The following ACACA variants were observed in gnomAD, a reference collection of about 807,000 sequenced individuals.
ACACA encodes acetyl-CoA carboxylase alpha, also known as acetyl-CoA carboxylase 1.
In ACACA, 103 loss-of-function variants were observed where a neutral mutation model predicts 296.1. The observed-to-expected ratio is 0.35, with a 90% confidence interval of 0.30 to 0.41. The LOEUF (loss-of-function observed/expected upper bound fraction) is 0.41. Ranked by LOEUF, ACACA falls within the 10% of genes least tolerant of loss-of-function variation. The pLI, the probability that ACACA is intolerant of heterozygous loss-of-function variation, is 1.00. For missense variants in ACACA, 1,554 were observed against 2,989.7 expected (o/e 0.52, Z 11.20); for synonymous variants, 953 against 1,038.6 (o/e 0.92, Z 1.58).
chr17:37,179,216 T>A, intron 41 of ACACA, 44 bp downstream of exon 41: 1 of 1,613,528 alleles, frequency 6.2e-7, no homozygotes, highest in Non-Finnish European at 8.5e-7. Context: ...CTGGTACTAG[T>A]GGGCACAGAG....
intron 55 of ACACA, 24 bp downstream of exon 55, chr17:37,088,914 T>C: frequency 1.2e-6 from 2 of 1,613,978 alleles, no homozygotes; most frequent in Non-Finnish European, 1.7e-6. Context: ...CCTTCTCTAG[T>C]GGAGTTCCCC....
intron 19 of ACACA, 114 bp downstream of exon 19, chr17:37,246,712 C>A (rs1666779819): frequency 7.1e-7 from 1 of 1,408,238 alleles, no homozygotes; most frequent in Non-Finnish European, 9.9e-7. Context: ...GGATTACAGG[C>A]ACAAGCCACT....
chr17:37,181,044 G>A (rs2077298890), intron 40 of ACACA, among the ~76,000 whole-genome samples, 157 bp downstream of exon 40: 1 of 152,066 alleles, frequency 6.6e-6, no homozygotes, highest in South Asian at 2.1e-4. Context: ...ATCTGAGTTG[G>A]CAGTCACCAA....
At chr17:37,356,660 G>A (rs1568046383) in intron 1 of ACACA, among the ~76,000 whole-genome samples, 1 of 152,146 alleles carries the variant, frequency 6.6e-6, no homozygotes, top group East Asian at 1.9e-4. Flanking sequence ...TTACAGGAGT[G>A]AGCCACCGCG....
intron 12 of ACACA, 85 bp from the exon 13 acceptor site, chr17:37,258,458 T>G: frequency 7.4e-7 from 1 of 1,345,074 alleles, no homozygotes; most frequent in Non-Finnish European, 1.1e-6. Flanking sequence ...AAAATATTTT[T>G]ATTTTTGGAG....
At chr17:37,275,631 C>A (rs1170313406) in intron 8 of ACACA, among the ~76,000 whole-genome samples, 2 of 152,140 alleles carry the variant, frequency 1.3e-5, no homozygotes, top group African/African-American at 4.8e-5. Context: ...CCCTGGGAAG[C>A]CCACCTCTGA....
At chr17:37,217,756 A>AAACAAAC (rs2079089024) in intron 29 of ACACA, among the ~76,000 whole-genome samples, 1 of 130,408 alleles carries the variant, frequency 7.7e-6, no homozygotes, top group Non-Finnish European at 1.6e-5. Flanking sequence ...AAAAAAAAAA[A>AAACAAAC]AAAAAAAACA....
intron 47 of ACACA, among the ~76,000 whole-genome samples, chr17:37,128,002 G>A (rs1273390220): frequency 2.9e-5 from 3 of 102,830 alleles, no homozygotes; most frequent in East Asian, 3.6e-4. Flanking sequence ...CCAGCCTGGA[G>A]GACAAGAGTG....
Position 37,381,270 on chromosome 17 carries a change from C to T in ACACA, c.38+24992G>A, listed in dbSNP as rs1044095637. On this transcript the variant is annotated intron_variant, in intron 1 of 55. Transcript: ENST00000616317. Reference sequence around the variant, plus strand: ...GCGCGATCTCGTCTCACTGCAACCTCCTCCTCCCAGGTTCACGTGATTCTC... The same window carrying T: ...GCGCGATCTCGTCTCACTGCAACCTTCTCCTCCCAGGTTCACGTGATTCTC... Among the ~76,000 whole-genome samples the T allele has an allele frequency of 5.3e-5, 8 of 152,148 alleles. No individual in the cohort carries two copies. In the East Asian group the frequency reaches 1.5e-3, roughly 29 times the overall value.
At chr17:37,284,801 T>C (rs776793137) in intron 4 of ACACA, 37 bp downstream of exon 4, 3 of 1,613,904 alleles carry the variant, frequency 1.9e-6, no homozygotes, top group South Asian at 1.1e-5. Flanking sequence ...AAATCCTAAG[T>C]GCTTTTGACA....
chr17:37,404,184 A>G (rs2147860136), intron 1 of ACACA, among the ~76,000 whole-genome samples: 1 of 152,348 alleles, frequency 6.6e-6, no homozygotes, highest in East Asian at 1.9e-4. Context: ...TGACATCCAG[A>G]TCTGGATATT....
At chr17:37,389,514 A>G (rs1252750070) in intron 1 of ACACA, 1 of 766,872 alleles carries the variant, frequency 1.3e-6, no homozygotes, top group Non-Finnish European at 1.6e-6. Flanking sequence ...CAACATGACG[A>G]AACCCTGTCT....
At chr17:37,319,350 G>A (rs2047237751) in intron 3 of ACACA, among the ~76,000 whole-genome samples, 1 of 152,036 alleles carries the variant, frequency 6.6e-6, no homozygotes, top group Non-Finnish European at 1.5e-5. Context: ...TTATAAAACA[G>A]TGTGTACAGT....
intron 1 of ACACA, among the ~76,000 whole-genome samples, chr17:37,399,952 CAT>C (rs1262566221): frequency 5.9e-5 from 9 of 152,020 alleles, no homozygotes; most frequent in Non-Finnish European, 8.8e-5. Flanking sequence ...TGATGTACAA[CAT>C]GTGTTGATAG....
chr17:37,336,787 T>C (rs35218514), intron 2 of ACACA, among the ~76,000 whole-genome samples: 3,877 of 152,328 alleles, frequency 0.025, 111 homozygotes, highest in African/African-American at 0.055. Context: ...CTGTATGCTA[T>C]AACTCACTGT....
chr17:37,149,528 G>A lies in ACACA; in HGVS notation c.5679+336C>T, dbSNP rs562656634. On this transcript the variant is annotated intron_variant, in intron 45 of 55. Coordinates refer to ENST00000616317, the MANE Select transcript of ACACA (RefSeq NM_198834.3). Reference sequence around the variant, plus strand: ...GAGAGAAGTGGGACAGAACAGAAGCGTTCAATTAATTCTGTCTTTCTACAA... The same window carrying A: ...GAGAGAAGTGGGACAGAACAGAAGCATTCAATTAATTCTGTCTTTCTACAA... Among the ~76,000 whole-genome samples, 27 of 152,282 alleles carry A rather than the reference G, an allele frequency of 1.8e-4. No homozygotes were observed. In the South Asian group the frequency reaches 4.8e-3, roughly 27 times the overall value.
intron 29 of ACACA, among the ~76,000 whole-genome samples, chr17:37,219,814 A>C (rs893945988): frequency 6.6e-6 from 1 of 151,338 alleles, no homozygotes; most frequent in African/African-American, 2.4e-5. Flanking sequence ...AACTGAATAC[A>C]TCATTTTATG....
chr17:37,171,266 A>C (rs2144661932), intron 41 of ACACA, among the ~76,000 whole-genome samples: 1 of 152,304 alleles, frequency 6.6e-6, no homozygotes, highest in South Asian at 2.1e-4. Context: ...CAATACAAAG[A>C]ATCCAAGCAT....
intron 1 of ACACA, among the ~76,000 whole-genome samples, chr17:37,349,496 TTACA>T (rs961379044): frequency 4.0e-5 from 6 of 148,728 alleles, no homozygotes; most frequent in African/African-American, 1.5e-4. Flanking sequence ...AAGATATATC[TTACA>T]TATATATATC....
Sources: gnomAD v4.1 joint callset for allele counts (sites outside exome capture counted in the v4.1 genomes callset) on GRCh38, gnomAD v4.1.1 for gene constraint, MANE v1.5 for transcripts, NCBI Gene and HGNC (gene_info 2026-07-23, HGNC 2026-07-21) for gene names.